CCDC3: variants seen among roughly 807,000 people sequenced by gnomAD.
The protein encoded by CCDC3 is coiled-coil domain containing 3, also known as coiled-coil domain-containing protein 3.
In CCDC3, 24 loss-of-function variants were observed where a neutral mutation model predicts 21.4. That is an observed-to-expected ratio of 1.12 (90% CI 0.81 to 1.58). CCDC3 has a LOEUF of 1.58. Among genes scored for constraint, CCDC3 ranks in the 40% most tolerant of loss-of-function variants. CCDC3 has a pLI of 0.00. For synonymous variants in CCDC3, 186 were observed against 166.0 expected, an observed-to-expected ratio of 1.12 and a Z score of -0.93; for missense variants, 425 against 360.9, an observed-to-expected ratio of 1.18 and a Z score of -1.44.
At chr10:12,911,857 T>G (rs563499701) in intron 2 of CCDC3, among the ~76,000 whole-genome samples, 5 of 152,292 alleles carry the variant, frequency 3.3e-5, no homozygotes, top group African/African-American at 9.6e-5. Context: ...TTTGGTTCTT[T>G]TAGCTCATTT....
At chr10:12,990,732 TCAC>T (rs756943155) in intron 2 of CCDC3, among the ~76,000 whole-genome samples, 3 of 152,228 alleles carry the variant, frequency 2.0e-5, no homozygotes, top group African/African-American at 4.8e-5. Context: ...TAATTAAATC[TCAC>T]CACATTTGGA....
At chr10:13,096,651 C>G (rs1445356413) in intron 3 of CCDC3, among the ~76,000 whole-genome samples, 1 of 152,146 alleles carries the variant, frequency 6.6e-6, no homozygotes, top group East Asian at 1.9e-4. Flanking sequence ...GCCACTGATA[C>G]CCTCATTATC....
intron 2 of CCDC3, among the ~76,000 whole-genome samples, chr10:12,997,986 C>G (rs1408737120): frequency 6.6e-6 from 1 of 152,142 alleles, no homozygotes; most frequent in African/African-American, 2.4e-5. Flanking sequence ...GGGCCACATT[C>G]AAACTGTCCT....
intron 2 of CCDC3, among the ~76,000 whole-genome samples, chr10:12,945,267 A>G (rs777918626): frequency 6.6e-4 from 101 of 152,344 alleles, no homozygotes; most frequent in Non-Finnish European, 1.1e-3. Context: ...AATACGGGAA[A>G]CAACTCTATA....
chr10:12,999,246 A>C (rs1016896568), intron 1 of CCDC3, among the ~76,000 whole-genome samples: 2 of 152,234 alleles, frequency 1.3e-5, no homozygotes, highest in African/African-American at 2.4e-5. Flanking sequence ...ATCTCAAAAA[A>C]AGAACATATA....
At chr10:13,051,609 G>A (rs1836608674) in intron 4 of CCDC3, among the ~76,000 whole-genome samples, 1 of 152,080 alleles carries the variant, frequency 6.6e-6, no homozygotes, top group Non-Finnish European at 1.5e-5. Flanking sequence ...TCCCCGGGTG[G>A]GACACTGGTA....
Position 13,047,081 on chromosome 10 carries a change from G to A in CCDC3, c.-2+2593C>T, listed in dbSNP as rs547526144. ...TTTGCATTTATGAAGCAGCTGTTAC[G>A]AAAGAGGAGACAGAACAGAGAGACT... On this transcript the variant is annotated intron_variant, in intron 5 of 6. Coordinates refer to the CCDC3 transcript ENST00000378839. Among the ~76,000 whole-genome samples the A allele has an allele frequency of 1.1e-4, 16 of 152,232 alleles. No individual in the cohort carries two copies. The South Asian group carries it at 2.9e-3, about 28-fold the overall frequency.
At chr10:13,028,478 C>A (rs972293854) in intron 5 of CCDC3, among the ~76,000 whole-genome samples, 1 of 151,976 alleles carries the variant, frequency 6.6e-6, no homozygotes, top group Non-Finnish European at 1.5e-5. Flanking sequence ...GAGGAGTGAA[C>A]CAGACCACCC....
intron 5 of CCDC3, among the ~76,000 whole-genome samples, chr10:13,025,014 A>G (rs1836196705): frequency 6.6e-6 from 1 of 152,144 alleles, no homozygotes; most frequent in Non-Finnish European, 1.5e-5. Context: ...AACAATTTAT[A>G]TTTTAGTTAT....
intron 1 of CCDC3, among the ~76,000 whole-genome samples, chr10:13,000,064 G>A (rs920053908): frequency 1.3e-5 from 2 of 152,196 alleles, no homozygotes; most frequent in African/African-American, 2.4e-5. Context: ...ACACCACTTT[G>A]TAGAACTGTT....
At chr10:13,006,060 A>G (rs1456145213), upstream of CCDC3, among the ~76,000 whole-genome samples, 1 of 152,076 alleles carries the variant, frequency 6.6e-6, no homozygotes, top group African/African-American at 2.4e-5. Context: ...CAAGGCCTCT[A>G]AAGTATATGG....
intron 4 of CCDC3, among the ~76,000 whole-genome samples, chr10:13,066,432 C>T (rs61851363): frequency 0.19 from 29,207 of 152,226 alleles, 3,524 homozygotes; most frequent in East Asian, 0.29. Flanking sequence ...ACACACCACA[C>T]CTCTCCACAG....
At chr10:12,986,524 C>T (rs893137203) in intron 2 of CCDC3, among the ~76,000 whole-genome samples, 10 of 152,088 alleles carry the variant, frequency 6.6e-5, no homozygotes, top group African/African-American at 2.4e-4. Flanking sequence ...CCTGTAATCC[C>T]AGCACTTTGG....
At chr10:13,043,426 CT>C (rs1836486918) in intron 5 of CCDC3, among the ~76,000 whole-genome samples, 2 of 152,002 alleles carry the variant, frequency 1.3e-5, no homozygotes, top group Admixed American at 6.6e-5. Context: ...AAACCTGCTT[CT>C]ACTAAAAAAA....
chr10:12,952,258 T>C (rs1564296549), intron 2 of CCDC3, among the ~76,000 whole-genome samples: 1 of 152,192 alleles, frequency 6.6e-6, no homozygotes, highest in South Asian at 2.1e-4. Flanking sequence ...GTTCTTAGGA[T>C]AGTTCCTGGC....
At chr10:12,904,314 T>C (rs1834138816) in intron 2 of CCDC3, among the ~76,000 whole-genome samples, 3 of 150,756 alleles carry the variant, frequency 2.0e-5, no homozygotes, top group Admixed American at 2.0e-4. Context: ...AAAATAAAAA[T>C]AAAAAATAGC....
chr10:12,904,254 C>T (rs1042299799), intron 2 of CCDC3, among the ~76,000 whole-genome samples: 1 of 151,628 alleles, frequency 6.6e-6, no homozygotes, highest in African/African-American at 2.4e-5. Flanking sequence ...ACTGCGTGAG[C>T]CTAGGAGTTT....
intron 5 of CCDC3, among the ~76,000 whole-genome samples, chr10:13,041,232 G>C (rs542800533): frequency 6.6e-6 from 1 of 150,420 alleles, no homozygotes; most frequent in Non-Finnish European, 1.5e-5. Context: ...AACAGATTTA[G>C]TATTTCTCTT....
At chr10:13,074,157 T>TA (rs1564340392) in intron 3 of CCDC3, 16 of 45,142 alleles carry the variant, frequency 3.5e-4, no homozygotes, top group African/African-American at 1.5e-3. Context: ...ATATATATTT[T>TA]TTTTTTTTTT....
Sources: gnomAD v4.1 joint callset for allele counts (sites outside exome capture counted in the v4.1 genomes callset) on GRCh38, gnomAD v4.1.1 for gene constraint, MANE v1.5 for transcripts, NCBI Gene and HGNC (gene_info 2026-07-23, HGNC 2026-07-21) for gene names.